The following FAM227A variants were observed in gnomAD, a reference collection of about 807,000 sequenced individuals.
FAM227A encodes protein FAM227A.
A neutral mutation model predicts 74.7 loss-of-function variants in FAM227A; 80 were observed. The observed-to-expected ratio is 1.07, with a 90% CI of 0.89 to 1.29. FAM227A has a LOEUF of 1.29. FAM227A is among the 50% of genes most tolerant of loss of function. The pLI, the probability that FAM227A is intolerant of heterozygous loss-of-function variation, is 0.00. For synonymous variants in FAM227A, 237 were observed against 241.8 expected, an observed-to-expected ratio of 0.98 and a Z score of 0.19; for missense variants, 654 against 683.4, an observed-to-expected ratio of 0.96 and a Z score of 0.48.
intron 15 of FAM227A, among the ~76,000 whole-genome samples, chr22:38,593,251 TC>T (rs1237162353): frequency 1.3e-5 from 2 of 152,240 alleles, no homozygotes; most frequent in East Asian, 3.8e-4. Flanking sequence ...ACGCCTATAA[TC>T]CCAGCACTTC....
chr22:38,616,581 G>A (rs898651723), intron 11 of FAM227A, among the ~76,000 whole-genome samples: 14 of 151,826 alleles, frequency 9.2e-5, no homozygotes, highest in African/African-American at 2.4e-4. Context: ...CAGAAGAATC[G>A]CTTGAACCTG....
intron 3 of FAM227A, among the ~76,000 whole-genome samples, chr22:38,645,231 A>G (rs1010078524): frequency 6.6e-6 from 1 of 151,574 alleles, no homozygotes; most frequent in Non-Finnish European, 1.5e-5. Context: ...CTCTACTAAA[A>G]AATACAAAAA....
At chr22:38,634,158 G>T (rs533543920) in intron 6 of FAM227A, among the ~76,000 whole-genome samples, 4 of 145,540 alleles carry the variant, frequency 2.7e-5, no homozygotes, top group Non-Finnish European at 4.5e-5. Flanking sequence ...GGAAGGGGAG[G>T]TTGCAGTGAG....
In FAM227A at chr22:38,580,267, C is replaced by G. The variant is rs2090695842; in HGVS notation, c.*5858G>C. The G allele has an allele frequency of 6.6e-6, 1 of 152,130 alleles. No individual in the cohort carries two copies. The highest frequency in any genetic ancestry group is 2.4e-5 in the African/African-American group (1 of 41,424). 9.4% of individuals were successfully genotyped at this position (152,130 alleles called of 1,614,324 possible). ...CTTTTAATCTATATATTCCCCCTCT[C>G]TTTTTCCCTTGAAACTTATTTGTTG... On this transcript the variant is annotated 3_prime_UTR_variant, in exon 17 of 17. Transcript: ENST00000535113.
At chr22:38,630,698 G>C (rs1357879552) in intron 6 of FAM227A, among the ~76,000 whole-genome samples, 1 of 152,150 alleles carries the variant, frequency 6.6e-6, no homozygotes, top group Non-Finnish European at 1.5e-5. Context: ...TATTTATTGA[G>C]CACCTCCAGG....
intron 11 of FAM227A, 99 bp downstream of exon 11, chr22:38,620,113 T>C (rs1190947332): frequency 8.7e-6 from 7 of 801,132 alleles, no homozygotes; most frequent in African/African-American, 8.7e-5. Context: ...GGTACAGAGA[T>C]GTGCAACTAA....
At chr22:38,613,116 T>TATAATTATATATATA (rs1555959758) in intron 11 of FAM227A, among the ~76,000 whole-genome samples, 5 of 91,130 alleles carry the variant, frequency 5.5e-5, no homozygotes, top group African/African-American at 1.9e-4. Flanking sequence ...TATATATATA[T>TATAATTATATATATA]TATATATAAT....
At chr22:38,608,363 A>C (rs1414609354) in intron 11 of FAM227A, among the ~76,000 whole-genome samples, 1 of 152,052 alleles carries the variant, frequency 6.6e-6, no homozygotes, top group Non-Finnish European at 1.5e-5. Context: ...TCTCCCACAT[A>C]AAAGTCTGAA....
chr22:38,616,940 G>T (rs994303405), intron 11 of FAM227A, among the ~76,000 whole-genome samples: 1 of 152,108 alleles, frequency 6.6e-6, no homozygotes, highest in East Asian at 1.9e-4. Context: ...GGTGCAGAGG[G>T]GGGCAGGCTG....
chr22:38,582,067 T>C lies in FAM227A; in HGVS notation c.*4058A>G. 2.9e-6 allele frequency: 1 copy of C among 342,584 alleles called. No homozygotes were observed. The highest frequency in any genetic ancestry group is 5.3e-6 in the Non-Finnish European group (1 of 188,820). 21.2% of individuals were successfully genotyped at this position (342,584 alleles called of 1,614,324 possible). ...CTGTTCGTTTTTTAACAAAGCTTTA[T>C]CGAAGTATAATTGACATATGAGAAA... On this transcript the variant is annotated 3_prime_UTR_variant, in exon 17 of 17. Coordinates refer to ENST00000535113, the MANE Select transcript of FAM227A (RefSeq NM_001013647.2).
At chr22:38,599,732 A>G in intron 14 of FAM227A, 32 bp downstream of exon 14, 1 of 1,527,482 alleles carries the variant, frequency 6.5e-7, no homozygotes, top group Non-Finnish European at 8.8e-7. Flanking sequence ...GGCCTGGAGC[A>G]GTGCGCACCC....
At chr22:38,641,092 T>G (rs1340059361) in intron 3 of FAM227A, among the ~76,000 whole-genome samples, 3 of 150,722 alleles carry the variant, frequency 2.0e-5, no homozygotes, top group African/African-American at 7.4e-5. Flanking sequence ...CTGTATGGCC[T>G]GGAAGGATGG....
intron 1 of FAM227A, among the ~76,000 whole-genome samples, chr22:38,652,351 G>A (rs1415730448): frequency 7.3e-5 from 11 of 151,202 alleles, no homozygotes; most frequent in South Asian, 2.1e-4. Context: ...CACTTTGGGA[G>A]GCCGAGGCAG....
chr22:38,623,323 A>G (rs1310316131), intron 9 of FAM227A, 44 bp from the exon 10 acceptor site: 1 of 1,333,880 alleles, frequency 7.5e-7, no homozygotes, highest in Non-Finnish European at 1.1e-6. Flanking sequence ...GGTGCGGTGG[A>G]TCACGCCTGT....
intron 2 of FAM227A, among the ~76,000 whole-genome samples, chr22:38,647,661 A>G (rs940581427): frequency 2.0e-5 from 3 of 152,128 alleles, no homozygotes; most frequent in East Asian, 3.9e-4. Context: ...CTCAGCTTTT[A>G]TATTTCTTTC....
intron 13 of FAM227A, among the ~76,000 whole-genome samples, chr22:38,600,988 G>A (rs1239445349): frequency 1.3e-5 from 2 of 151,290 alleles, no homozygotes; most frequent in African/African-American, 4.9e-5. Context: ...GTAAAAAACA[G>A]ATAGATGAGA....
chr22:38,599,856 A>G lies in FAM227A; in HGVS notation c.1287T>C (p.Pro429=). ...SNLFNIYGKS[P]LIVYFLQNYA... is the part of the protein sequence containing the mutation. The stretch of plus-strand genomic sequence containing the variant: ...AGTTCTGGAGAAAGTACACAATCAG[A>G]GGGCTCTTCCCATAAATGTTGAAGA... The change falls in exon 14 of 17, where the codon CCT becomes CCC. Residue 429 remains proline, a synonymous_variant. Coordinates refer to ENST00000535113, the MANE Select transcript of FAM227A (RefSeq NM_001013647.2). 1 of 1,551,620 alleles carries G rather than the reference A, an allele frequency of 6.4e-7. No homozygotes were observed. The highest frequency in any genetic ancestry group is 8.7e-7 in the Non-Finnish European group (1 of 1,146,960).
intron 15 of FAM227A, among the ~76,000 whole-genome samples, chr22:38,592,051 C>G (rs1226580713): frequency 6.6e-6 from 1 of 151,624 alleles, no homozygotes; most frequent in South Asian, 2.1e-4. Context: ...TGGGTTCAAG[C>G]GATTCTCCTG....
At chr22:38,638,316 C>CA (rs894550679) in intron 5 of FAM227A, among the ~76,000 whole-genome samples, 13 of 152,202 alleles carry the variant, frequency 8.5e-5, no homozygotes, top group African/African-American at 2.9e-4. Flanking sequence ...CAGTGAGCTG[C>CA]ATGACCCTGT....
Sources: allele counts gnomAD v4.1 joint callset (sites outside exome capture counted in the v4.1 genomes callset), GRCh38; gene constraint gnomAD v4.1.1; transcripts MANE v1.5; gene names NCBI Gene and HGNC (gene_info 2026-07-23, HGNC 2026-07-21).